Variants in EFR3A observed in about 807,000 individuals in gnomAD.
The protein encoded by EFR3A is protein EFR3 homolog A.
In EFR3A, 76 loss-of-function variants were observed where a neutral mutation model predicts 104.4. The ratio of observed to expected loss-of-function variants is 0.73; its 90% CI spans 0.60 to 0.88. EFR3A has a LOEUF of 0.88. Among genes scored for constraint, EFR3A ranks in the 40% least tolerant of loss-of-function variants. The pLI, the probability that EFR3A is intolerant of heterozygous loss-of-function variation, is 0.00. For synonymous variants in EFR3A, 330 were observed against 330.0 expected (o/e 1.00, Z 0.00); for missense variants, 985 against 1,012.5 (o/e 0.97, Z 0.37).
intron 19 of EFR3A, among the ~76,000 whole-genome samples, chr8:131,999,236 C>T (rs1821662962): frequency 6.6e-6 from 1 of 152,072 alleles, no homozygotes; most frequent in Non-Finnish European, 1.5e-5. Context: ...TTTTCTATTA[C>T]AAATAACAGA....
At chr8:131,914,162 T>C (rs78785084) in intron 1 of EFR3A, among the ~76,000 whole-genome samples, 1 of 152,148 alleles carries the variant, frequency 6.6e-6, no homozygotes, top group Non-Finnish European at 1.5e-5. Context: ...TCCAGGCAAA[T>C]GTATAACACC....
chr8:131,995,982 G>A (rs946325901), intron 18 of EFR3A, among the ~76,000 whole-genome samples: 1 of 152,178 alleles, frequency 6.6e-6, no homozygotes, highest in Non-Finnish European at 1.5e-5. Flanking sequence ...ACCAGAGTTA[G>A]CTGACAGCTT....
In EFR3A at chr8:131,987,574, G is replaced by A; in HGVS notation, c.1938-1G>A. On this transcript the variant is annotated splice_acceptor_variant, in intron 17 of 22. Coordinates refer to ENST00000254624, the MANE Select transcript of EFR3A (RefSeq NM_015137.6). LOFTEE classifies it high-confidence loss of function. ...GATTGTTGTTTTGATGAACTTCGCA[G>A]GCTTCCAAAATCTTTAGAGAAGCAT... 1.3e-6 allele frequency: 2 copies of A among 1,590,216 alleles called. No individual in the cohort carries two copies. Among genetic ancestry groups the A allele is most frequent in the Non-Finnish European group, 1.7e-6 (2 of 1,168,288 alleles).
chr8:131,928,114 T>C (rs372011818), intron 1 of EFR3A, among the ~76,000 whole-genome samples: 6 of 152,178 alleles, frequency 3.9e-5, no homozygotes, highest in Non-Finnish European at 5.9e-5. Flanking sequence ...CCTGGCACTT[T>C]GCGTGTAGTT....
At chr8:132,010,404 TGAGA>T (rs1563716276) in intron 22 of EFR3A, among the ~76,000 whole-genome samples, 1 of 51,680 alleles carries the variant, frequency 1.9e-5, no homozygotes, top group African/African-American at 8.1e-5. Flanking sequence ...AAATCAAGTA[TGAGA>T]TATATATATA....
At chr8:131,936,106 A>G (rs1052039513) in intron 1 of EFR3A, among the ~76,000 whole-genome samples, 4 of 152,002 alleles carry the variant, frequency 2.6e-5, no homozygotes, top group African/African-American at 9.7e-5. Context: ...GACAGGATGG[A>G]TTGGAAATTA....
chr8:131,986,591 T>G (rs1047471898), intron 17 of EFR3A, among the ~76,000 whole-genome samples: 1 of 151,884 alleles, frequency 6.6e-6, no homozygotes, highest in African/African-American at 2.4e-5. Context: ...TTAGACCAGC[T>G]TGGCCAACAT....
Position 132,010,605 on chromosome 8 carries a change from A to G in EFR3A, c.2361-185A>G, listed in dbSNP as rs528146476. ...AGGAAAATGTCTGCTTTAGACTTAAAAACAGTTTGACACTACTGCAGTCTG... is the reference window on the plus strand; with the variant it reads ...AGGAAAATGTCTGCTTTAGACTTAAGAACAGTTTGACACTACTGCAGTCTG... On this transcript the variant is annotated intron_variant, in intron 22 of 22. Coordinates refer to ENST00000254624, the MANE Select transcript of EFR3A (RefSeq NM_015137.6). Among the ~76,000 whole-genome samples, 279 of 152,036 alleles carry G rather than the reference A, an allele frequency of 1.8e-3. 2 individuals are homozygous for G. The highest frequency in any genetic ancestry group is 6.5e-3 in the African/African-American group (271 of 41,494).
intron 1 of EFR3A, among the ~76,000 whole-genome samples, chr8:131,911,088 C>G (rs1420450536): frequency 3.3e-5 from 5 of 152,066 alleles, no homozygotes; most frequent in Non-Finnish European, 5.9e-5. Flanking sequence ...AATGCAGATT[C>G]TCACCCAAAG....
At position 131,968,433 on chromosome 8, in the gene EFR3A, G is replaced by T; in HGVS notation, c.991+3G>T. The stretch of plus-strand genomic sequence containing the variant: ...CATTGCTGCTAAAGGTTCCATAGGT[G>T]AGTGCCAATAAATAAAATAAAATAG... On this transcript the variant is annotated splice_donor_region_variant and intron_variant, in intron 9 of 22. Transcript: ENST00000254624. The T allele has an allele frequency of 6.2e-7, 1 of 1,613,164 alleles. No homozygotes were observed. Among genetic ancestry groups the T allele is most frequent in the Non-Finnish European group, 8.5e-7 (1 of 1,179,354 alleles).
chr8:131,958,350 A>G (rs1450744960), intron 7 of EFR3A, among the ~76,000 whole-genome samples: 1 of 152,142 alleles, frequency 6.6e-6, no homozygotes, highest in Non-Finnish European at 1.5e-5. Context: ...GATTCAGGTT[A>G]ACTGTGCATT....
chr8:131,953,995 C>G (rs569058820), intron 6 of EFR3A, 28 bp downstream of exon 6: 4 of 1,498,694 alleles, frequency 2.7e-6, no homozygotes, highest in African/African-American at 1.4e-5. Context: ...AGTGTTGAGA[C>G]AGTGTTACTT....
Position 131,949,962 on chromosome 8 carries a change from T to G in EFR3A, c.367-7T>G. 1 of 1,583,980 alleles carries G rather than the reference T, an allele frequency of 6.3e-7. No individual in the cohort carries two copies. On this transcript the variant is annotated splice_polypyrimidine_tract_variant and splice_region_variant and intron_variant, in intron 4 of 22. Transcript: ENST00000254624. ...GTGAAGTATATTATATTATTTGTGT[T>G]TTTTAGTTTGTCAAATTTGCAAATA...
At chr8:131,970,977 A>G (rs1305749277) in intron 10 of EFR3A, among the ~76,000 whole-genome samples, 2 of 151,894 alleles carry the variant, frequency 1.3e-5, no homozygotes, top group Non-Finnish European at 1.5e-5. Context: ...GTGTGTATGT[A>G]TATGTGGGAA....
At chr8:131,962,575 T>G (rs192337492) in intron 8 of EFR3A, among the ~76,000 whole-genome samples, 1 of 152,232 alleles carries the variant, frequency 6.6e-6, no homozygotes, top group East Asian at 1.9e-4. Flanking sequence ...CGTTAGAGAC[T>G]AGAAAGAGAC....
intron 2 of EFR3A, among the ~76,000 whole-genome samples, chr8:131,942,142 A>G (rs1409653090): frequency 6.6e-6 from 1 of 152,186 alleles, no homozygotes; most frequent in Non-Finnish European, 1.5e-5. Flanking sequence ...AGCTTTGAAC[A>G]CTTGATCATT....
intron 16 of EFR3A, 79 bp downstream of exon 16, chr8:131,985,139 C>A: frequency 7.1e-7 from 1 of 1,408,790 alleles, no homozygotes; most frequent in Non-Finnish European, 9.8e-7. Flanking sequence ...TTATTTTTAA[C>A]TTTGGTGATT....
intron 4 of EFR3A, among the ~76,000 whole-genome samples, chr8:131,948,345 C>G (rs956427906): frequency 6.6e-6 from 1 of 152,098 alleles, no homozygotes. Flanking sequence ...GAATACCAAT[C>G]TCACAGGATT....
At position 132,011,476 on chromosome 8, in the gene EFR3A, G is replaced by A; in HGVS notation, c.*581G>A. ...TCTTCTTCACAATAATAGGACATCT[G>A]TTGAATAGCATTCCTCGAATATAAC... On this transcript the variant is annotated 3_prime_UTR_variant, in exon 23 of 23. Transcript: ENST00000254624. The A allele has an allele frequency of 1.1e-6, 1 of 935,930 alleles. No homozygotes were observed. The highest frequency in any genetic ancestry group is 1.3e-6 in the Non-Finnish European group (1 of 784,970). 58.0% of individuals were successfully genotyped at this position (935,930 alleles called of 1,614,324 possible). A position where few individuals can be genotyped will look rare whatever the true frequency, so the allele number is the denominator to read the frequency against.
Sources: gnomAD v4.1 joint callset for allele counts (sites outside exome capture counted in the v4.1 genomes callset) on GRCh38, gnomAD v4.1.1 for gene constraint, MANE v1.5 for transcripts, NCBI Gene and HGNC (gene_info 2026-07-23, HGNC 2026-07-21) for gene names.